ZBTB20: variants seen among roughly 807,000 people sequenced by gnomAD.
The protein encoded by ZBTB20 is zinc finger and BTB domain-containing protein 20.
Under a neutral mutation model 56.9 loss-of-function variants are expected in ZBTB20, and 9 were observed. The ratio of observed to expected loss-of-function variants is 0.16; its 90% CI spans 0.10 to 0.28. The LOEUF (loss-of-function observed/expected upper bound fraction) is 0.28. Among genes scored for constraint, ZBTB20 ranks in the 10% least tolerant of loss-of-function variants. ZBTB20 has a pLI of 1.00. For synonymous variants in ZBTB20, 417 were observed against 420.7 expected, an observed-to-expected ratio of 0.99 and a Z score of 0.11; for missense variants, 655 against 1,003.0, an observed-to-expected ratio of 0.65 and a Z score of 4.69.
intron 1 of ZBTB20, among the ~76,000 whole-genome samples, chr3:115,109,245 G>A (rs954587970): frequency 3.3e-5 from 5 of 152,092 alleles, no homozygotes; most frequent in Non-Finnish European, 4.4e-5. Context: ...AAAAGGAAAG[G>A]AAAGAGAAAC....
chr3:114,738,856 G>C (rs1308228928), intron 5 of ZBTB20, among the ~76,000 whole-genome samples: 1 of 152,146 alleles, frequency 6.6e-6, no homozygotes, highest in Non-Finnish European at 1.5e-5. Flanking sequence ...AAAATCAAAT[G>C]TTCTGTCTGT....
chr3:114,434,472 T>A (rs2090359196), intron 7 of ZBTB20, among the ~76,000 whole-genome samples: 1 of 151,992 alleles, frequency 6.6e-6, no homozygotes, highest in Non-Finnish European at 1.5e-5. Context: ...CAGAAACATC[T>A]TTTTCATTTT....
intron 7 of ZBTB20, among the ~76,000 whole-genome samples, chr3:114,441,961 G>T (rs1053963895): frequency 6.6e-6 from 1 of 151,940 alleles, no homozygotes; most frequent in Admixed American, 6.6e-5. Flanking sequence ...AACACACAAG[G>T]AAAGCAACAA....
Position 114,336,710 on chromosome 3 carries a change from CCCT to C in ZBTB20, c.*2292_*2294del, listed in dbSNP as rs1318277260. On this transcript the variant is annotated 3_prime_UTR_variant, in exon 12 of 12. Coordinates refer to ENST00000675478, the MANE Select transcript of ZBTB20 (RefSeq NM_001348800.3). ...AGAGTTGTTTGTGTTGGAAGATTTT[CCCT>C]CGTTTGCTGCACAGTTTTTGTAAAT... 6.6e-6 allele frequency: 1 copy of C among 152,092 alleles called. No homozygotes were observed. The highest frequency in any genetic ancestry group is 2.4e-5 in the African/African-American group (1 of 41,414). 9.4% of individuals were successfully genotyped at this position (152,092 alleles called of 1,614,324 possible). A position where few individuals can be genotyped will look rare whatever the true frequency, so the allele number is the denominator to read the frequency against.
intron 5 of ZBTB20, chr3:114,791,782 C>T (rs1184908888): frequency 6.6e-6 from 1 of 151,920 alleles, no homozygotes; most frequent in Non-Finnish European, 1.5e-5. Context: ...TCCAGTAACT[C>T]TCTTGTCTGA....
chr3:115,071,513 C>T (rs1270966795), intron 1 of ZBTB20, 99 bp from the exon 2 acceptor site: 1 of 152,074 alleles, frequency 6.6e-6, no homozygotes, highest in African/African-American at 2.4e-5. Flanking sequence ...AATTTTGATG[C>T]CTTTACAAAC....
At chr3:114,614,202 T>C (rs1331241531) in intron 6 of ZBTB20, among the ~76,000 whole-genome samples, 1 of 152,174 alleles carries the variant, frequency 6.6e-6, no homozygotes, top group Non-Finnish European at 1.5e-5. Flanking sequence ...ATATGAGAAA[T>C]GATTTAAGGA....
chr3:115,097,663 CTG>C (rs2083430499), intron 1 of ZBTB20, among the ~76,000 whole-genome samples: 1 of 152,168 alleles, frequency 6.6e-6, no homozygotes, highest in Admixed American at 6.5e-5. Context: ...ATGAAACACA[CTG>C]TGACCTGACC....
In ZBTB20 at chr3:114,680,015, C is replaced by T. The variant is rs149727588; in HGVS notation, c.-295+13513G>A. On this transcript the variant is annotated intron_variant, in intron 6 of 11. Coordinates refer to ENST00000675478, the MANE Select transcript of ZBTB20 (RefSeq NM_001348800.3). ...ATGGATGAAGCTGGAAACCATCATTCTCAGCAAACTAACACAGGAACAGAA... is the reference window on the plus strand; with the variant it reads ...ATGGATGAAGCTGGAAACCATCATTTTCAGCAAACTAACACAGGAACAGAA... Among the ~76,000 whole-genome samples, 664 of 152,276 alleles carry T rather than the reference C, an allele frequency of 4.4e-3. 3 individuals carry two copies. The highest frequency in any genetic ancestry group is 7.8e-3 in the Non-Finnish European group (533 of 68,026).
At chr3:114,842,092 A>C (rs2074408611) in intron 4 of ZBTB20, among the ~76,000 whole-genome samples, 2 of 152,324 alleles carry the variant, frequency 1.3e-5, no homozygotes, top group South Asian at 4.1e-4. Flanking sequence ...GGTGGGCAAC[A>C]GGACTTCTTG....
chr3:114,422,074 G>T (rs1189168640), intron 7 of ZBTB20, among the ~76,000 whole-genome samples: 1 of 152,144 alleles, frequency 6.6e-6, no homozygotes, highest in Non-Finnish European at 1.5e-5. Context: ...ACAAGTAGAT[G>T]AAGTTTAGAA....
intron 7 of ZBTB20, among the ~76,000 whole-genome samples, chr3:114,404,057 C>T (rs942018008): frequency 1.4e-4 from 21 of 152,158 alleles, no homozygotes; most frequent in Non-Finnish European, 3.1e-4. Flanking sequence ...CTTGCTTTCT[C>T]CTGCTCCGTG....
At chr3:114,479,296 T>C (rs2041249483) in intron 7 of ZBTB20, among the ~76,000 whole-genome samples, 1 of 151,540 alleles carries the variant, frequency 6.6e-6, no homozygotes, top group African/African-American at 2.4e-5. Context: ...GAAGGACTTA[T>C]AAAAAAAAAT....
intron 2 of ZBTB20, among the ~76,000 whole-genome samples, chr3:114,998,997 AAAAGGAGGGG>A (rs1434319955): frequency 7.0e-6 from 1 of 143,624 alleles, no homozygotes; most frequent in African/African-American, 2.6e-5. Context: ...TAGTGGAGGG[AAAAGGAGGGG>A]AAAGGAGGGG....
At chr3:114,873,073 T>C (rs771608443) in intron 4 of ZBTB20, 6 of 152,146 alleles carry the variant, frequency 3.9e-5, no homozygotes, top group Non-Finnish European at 8.8e-5. Flanking sequence ...GGCCCAGTAA[T>C]TGAATCATAT....
chr3:114,683,802 G>A (rs900692586), intron 6 of ZBTB20, among the ~76,000 whole-genome samples: 1 of 152,042 alleles, frequency 6.6e-6, no homozygotes. Flanking sequence ...TGGGAGTCTG[G>A]GTTAGCAGAG....
At chr3:114,844,520 C>CATAAAAAAA (rs2074564889) in intron 4 of ZBTB20, among the ~76,000 whole-genome samples, 1 of 22,804 alleles carries the variant, frequency 4.4e-5, no homozygotes, top group Non-Finnish European at 6.5e-5. Context: ...GTCCCTGTCT[C>CATAAAAAAA]AAAAAAAAAA....
chr3:114,899,687 A>T (rs1292544098), intron 4 of ZBTB20, among the ~76,000 whole-genome samples: 1 of 152,194 alleles, frequency 6.6e-6, no homozygotes, highest in East Asian at 1.9e-4. Context: ...GCACAAGCAC[A>T]CTGCTAACAA....
chr3:114,775,149 C>CT lies in ZBTB20; in HGVS notation c.-343+25951dup, dbSNP rs551940459. 8.3e-3 allele frequency among the ~76,000 whole-genome samples: 1,241 copies of CT among 149,144 alleles called. 7 individuals are homozygous for CT. Among genetic ancestry groups the CT allele is most frequent in the South Asian group, 0.024 (114 of 4,664 alleles). ...CATGGCTGTACTGATTCATAAGTAACTTTTTTTTTTTCCTCAGTAAAATGC... is the reference window on the plus strand; with the variant it reads ...CATGGCTGTACTGATTCATAAGTAACTTTTTTTTTTTTCCTCAGTAAAATGC... On this transcript the variant is annotated intron_variant, in intron 5 of 11. Transcript: ENST00000675478.
Sources: gnomAD v4.1 joint callset for allele counts (sites outside exome capture counted in the v4.1 genomes callset) on GRCh38, gnomAD v4.1.1 for gene constraint, MANE v1.5 for transcripts, NCBI Gene and HGNC (gene_info 2026-07-23, HGNC 2026-07-21) for gene names.